TGFB2: variants seen among roughly 807,000 people sequenced by gnomAD.
TGFB2 encodes the protein transforming growth factor beta 2.
TGFB2 carries 13 observed loss-of-function variants against 42.7 expected under a neutral mutation model. That is an observed-to-expected ratio of 0.30 (90% CI 0.20 to 0.48). TGFB2 has a LOEUF of 0.48. Among genes scored for constraint, TGFB2 ranks in the 20% least tolerant of loss-of-function variants. TGFB2 has a pLI of 0.99. For synonymous variants in TGFB2, 193 were observed against 193.6 expected (o/e 1.00, Z 0.03); for missense variants, 390 against 517.5 (o/e 0.75, Z 2.39).
At position 218,349,126 on chromosome 1, in the gene TGFB2, C is replaced by T. The variant is rs10482728; in HGVS notation, c.346+2079C>T. The stretch of plus-strand genomic sequence containing the variant: ...CAGCCACCAAATAAATGAAAACCTC[C>T]GATACGTCCAAGATAAATAAAATAT... On this transcript the variant is annotated intron_variant, in intron 1 of 6. Coordinates refer to ENST00000366930, the MANE Select transcript of TGFB2 (RefSeq NM_003238.6). Among the ~76,000 whole-genome samples, 1,135 of 152,156 alleles carry T rather than the reference C, an allele frequency of 7.5e-3. 14 individuals carry two copies. The highest frequency in any genetic ancestry group is 0.025 in the African/African-American group (1,036 of 41,502).
At chr1:218,354,633 A>T (rs1656974566) in intron 1 of TGFB2, among the ~76,000 whole-genome samples, 1 of 152,194 alleles carries the variant, frequency 6.6e-6, no homozygotes, top group Non-Finnish European at 1.5e-5. Context: ...TGGAAATTAG[A>T]CTTTCAGCCA....
At chr1:218,380,540 T>C (rs1657925668) in intron 1 of TGFB2, among the ~76,000 whole-genome samples, 1 of 152,162 alleles carries the variant, frequency 6.6e-6, no homozygotes, top group Non-Finnish European at 1.5e-5. Context: ...TTTATTTGAA[T>C]TGCACAAAGC....
In TGFB2 at chr1:218,405,492, G is replaced by A. The variant is rs568749286; in HGVS notation, c.510+160G>A. ...CGATCCGCTTGCCTCAGCCTCCCTA[G>A]TCAATGGGACTGCAGGAGTGCACCA... On this transcript the variant is annotated intron_variant, in intron 2 of 6. Transcript: ENST00000366930. The A allele has an allele frequency of 1.4e-4, 179 of 1,272,380 alleles. No homozygotes were observed. The African/African-American group carries it at 2.4e-3, about 17-fold the overall frequency. The allele number at this position is 1,272,380 out of a possible 1,614,324, so 78.8% of individuals were successfully genotyped here.
chr1:218,351,522 T>G (rs1656867115), intron 1 of TGFB2, among the ~76,000 whole-genome samples: 1 of 152,234 alleles, frequency 6.6e-6, no homozygotes, highest in South Asian at 2.1e-4. Context: ...CCTCTTTTTT[T>G]TACTTTTCAA....
rs571058450 is a variant in TGFB2 at position 218,422,337 on chromosome 1, C to G, written c.511-11745C>G. Among the ~76,000 whole-genome samples, 39 of 152,116 alleles carry G rather than the reference C, an allele frequency of 2.6e-4. 1 individual carries two copies. The South Asian group carries it at 7.9e-3, about 31-fold the overall frequency. On this transcript the variant is annotated intron_variant, in intron 2 of 6. Coordinates refer to ENST00000366930, the MANE Select transcript of TGFB2 (RefSeq NM_003238.6). ...GGCTCAACAGATCCTCCTGCCCCAG[C>G]CTTTTGAGTAACTGGGACTACAGAT...
intron 1 of TGFB2, among the ~76,000 whole-genome samples, chr1:218,403,756 AC>A (rs1658811032): frequency 1.3e-5 from 2 of 152,340 alleles, no homozygotes; most frequent in South Asian, 4.1e-4. Context: ...AGTAATAAAA[AC>A]ATTTATAAAG....
At chr1:218,364,877 C>T (rs948771287) in intron 1 of TGFB2, among the ~76,000 whole-genome samples, 8 of 152,098 alleles carry the variant, frequency 5.3e-5, no homozygotes, top group East Asian at 1.9e-4. Flanking sequence ...TGAGTCATTA[C>T]GTTTTGTTTT....
chr1:218,367,586 G>C (rs1657427352), intron 1 of TGFB2, among the ~76,000 whole-genome samples: 1 of 152,080 alleles, frequency 6.6e-6, no homozygotes, highest in Non-Finnish European at 1.5e-5. Context: ...ACTATTTACA[G>C]AAATACCCAG....
chr1:218,388,079 C>T (rs575909750), intron 1 of TGFB2, among the ~76,000 whole-genome samples: 12 of 152,072 alleles, frequency 7.9e-5, no homozygotes, highest in Non-Finnish European at 1.3e-4. Context: ...GAGGAATGGA[C>T]GTGGAATTAG....
chr1:218,426,712 A>C (rs562724083), intron 2 of TGFB2, among the ~76,000 whole-genome samples: 28 of 152,352 alleles, frequency 1.8e-4, no homozygotes, highest in African/African-American at 6.7e-4. Context: ...AAGATTAAAA[A>C]ATCAGTTAAA....
chr1:218,433,556 G>A (rs766832124), intron 2 of TGFB2, among the ~76,000 whole-genome samples: 1 of 152,128 alleles, frequency 6.6e-6, no homozygotes, highest in Non-Finnish European at 1.5e-5. Flanking sequence ...AAAAGCTGAG[G>A]CATGACACAT....
At chr1:218,437,603 A>T (rs1246392645) in intron 6 of TGFB2, 107 bp downstream of exon 6, 1 of 1,212,136 alleles carries the variant, frequency 8.2e-7, no homozygotes, top group Non-Finnish European at 1.1e-6. Context: ...TTACCATCAC[A>T]CATGTATGGG....
chr1:218,436,892 G>A (rs1029727249), intron 5 of TGFB2, among the ~76,000 whole-genome samples: 6 of 152,174 alleles, frequency 3.9e-5, no homozygotes, highest in Non-Finnish European at 7.3e-5. Context: ...TGAAACAAAG[G>A]ATCAATTCTC....
intron 1 of TGFB2, chr1:218,363,185 C>T: frequency 1.6e-6 from 1 of 644,838 alleles, no homozygotes; most frequent in South Asian, 2.0e-5. Flanking sequence ...AGTGTCTAAT[C>T]CCCTGGCCCC....
intron 1 of TGFB2, among the ~76,000 whole-genome samples, chr1:218,357,271 A>G (rs1294095025): frequency 6.6e-6 from 1 of 151,296 alleles, no homozygotes; most frequent in East Asian, 1.9e-4. Context: ...GATGAAGGGG[A>G]GGGGCTGGTC....
At chr1:218,380,493 G>T (rs1319752544) in intron 1 of TGFB2, among the ~76,000 whole-genome samples, 1 of 151,940 alleles carries the variant, frequency 6.6e-6, no homozygotes, top group South Asian at 2.1e-4. Context: ...TTAGCAAATA[G>T]TACAAATGTT....
chr1:218,403,562 T>C (rs1483780537), intron 1 of TGFB2, among the ~76,000 whole-genome samples: 1 of 152,196 alleles, frequency 6.6e-6, no homozygotes, highest in Non-Finnish European at 1.5e-5. Flanking sequence ...GAAGTTAGTG[T>C]TGCCAACAGT....
At chr1:218,363,073 A>G (rs573648035) in intron 1 of TGFB2, among the ~76,000 whole-genome samples, 1 of 152,356 alleles carries the variant, frequency 6.6e-6, no homozygotes, top group Non-Finnish European at 1.5e-5. Flanking sequence ...TTATTTTAAC[A>G]TTAGAACGTG....
chr1:218,409,327 G>A (rs1272360354), intron 2 of TGFB2, among the ~76,000 whole-genome samples: 1 of 152,226 alleles, frequency 6.6e-6, no homozygotes, highest in Non-Finnish European at 1.5e-5. Flanking sequence ...AGCAATGCCT[G>A]TTGTGGACAA....
Sources: gnomAD v4.1 joint callset for allele counts (sites outside exome capture counted in the v4.1 genomes callset) on GRCh38, gnomAD v4.1.1 for gene constraint, MANE v1.5 for transcripts, NCBI Gene and HGNC (gene_info 2026-07-23, HGNC 2026-07-21) for gene names.